NALF1: variants seen among roughly 807,000 people sequenced by gnomAD.
The protein encoded by NALF1 is family with sequence similarity 155 member A.
NALF1 carries 3 observed loss-of-function variants against 48.4 expected under a neutral mutation model. That is an observed-to-expected ratio of 0.06 (90% CI 0.03 to 0.16). NALF1 has a LOEUF of 0.16. Among genes scored for constraint, NALF1 ranks in the 10% least tolerant of loss-of-function variants. NALF1 has a pLI of 1.00. For missense variants in NALF1, 526 were observed against 571.5 expected, an observed-to-expected ratio of 0.92 and a Z score of 0.81; for synonymous variants, 262 against 245.7, an observed-to-expected ratio of 1.07 and a Z score of -0.62.
intron 1 of NALF1, among the ~76,000 whole-genome samples, chr13:107,443,379 T>C (rs1012473682): frequency 4.6e-5 from 7 of 151,964 alleles, no homozygotes; most frequent in African/African-American, 1.7e-4. Flanking sequence ...TCACACCCAG[T>C]TAATTTTTTG....
At chr13:107,839,544 TAA>T (rs988686687) in intron 1 of NALF1, among the ~76,000 whole-genome samples, 2 of 150,642 alleles carry the variant, frequency 1.3e-5, no homozygotes, top group Admixed American at 6.6e-5. Context: ...CTGTCTGATA[TAA>T]GTTCAATTAT....
At chr13:107,818,781 A>T (rs1000643473) in intron 1 of NALF1, among the ~76,000 whole-genome samples, 4 of 137,880 alleles carry the variant, frequency 2.9e-5, no homozygotes, top group Non-Finnish European at 6.0e-5. Flanking sequence ...CTGAGGCAGG[A>T]GAATGACGTG....
chr13:107,783,650 A>G (rs1322925517), intron 1 of NALF1, among the ~76,000 whole-genome samples: 31 of 151,996 alleles, frequency 2.0e-4, no homozygotes, highest in Non-Finnish European at 3.4e-4. Context: ...TTTGTTAAAC[A>G]GATGCTTGAA....
chr13:107,867,267 T>A lies in NALF1; in HGVS notation c.-671A>T, dbSNP rs1448896110. ...GCCTGGGCTGCCTCCGGCGGGGCGC[T>A]CCCTCCCCCCCACCCCCCACCCCGC... On this transcript the variant is annotated 5_prime_UTR_variant, in exon 1 of 3. Coordinates refer to ENST00000375915, the MANE Select transcript of NALF1 (RefSeq NM_001080396.3). The surrounding 1 kb of genome is among the most constrained non-coding windows in gnomAD (Gnocchi z 4.4). 1.3e-5 allele frequency among the ~76,000 whole-genome samples: 1 copy of A among 77,556 alleles called. No homozygotes were observed. The highest frequency in any genetic ancestry group is 5.0e-5 in the African/African-American group (1 of 20,186). The allele number at this position is 77,556 out of a possible 152,430, so 50.9% of individuals were successfully genotyped here. A position where few individuals can be genotyped will look rare whatever the true frequency, so the allele number is the denominator to read the frequency against.
intron 2 of NALF1, among the ~76,000 whole-genome samples, chr13:107,195,757 GAAGAA>G (rs1292319116): frequency 6.6e-6 from 1 of 152,168 alleles, no homozygotes; most frequent in Non-Finnish European, 1.5e-5. Context: ...AAAATTCTCA[GAAGAA>G]AAGAAGGCAG....
chr13:107,198,562 G>A (rs1879441943), intron 2 of NALF1, among the ~76,000 whole-genome samples: 1 of 152,176 alleles, frequency 6.6e-6, no homozygotes. Flanking sequence ...CTTCATACAA[G>A]AGTTGGAATT....
At chr13:107,659,497 G>A (rs939952639) in intron 1 of NALF1, among the ~76,000 whole-genome samples, 1 of 124,878 alleles carries the variant, frequency 8.0e-6, no homozygotes, top group African/African-American at 3.5e-5. Context: ...TTCCCCTATA[G>A]CATTTATTTG....
intron 2 of NALF1, among the ~76,000 whole-genome samples, chr13:107,194,586 A>G (rs981096531): frequency 1.3e-5 from 2 of 152,350 alleles, no homozygotes; most frequent in Admixed American, 6.5e-5. Context: ...GATGGATCAA[A>G]GACTTAAATC....
At chr13:107,792,283 A>G (rs10467234) in intron 1 of NALF1, among the ~76,000 whole-genome samples, 29,008 of 152,128 alleles carry the variant, frequency 0.19, 2,867 homozygotes, top group Middle Eastern at 0.23. Context: ...CCAGACATGG[A>G]TTATTTTAAT....
At chr13:107,327,114 T>C (rs1882379227) in intron 1 of NALF1, among the ~76,000 whole-genome samples, 1 of 152,206 alleles carries the variant, frequency 6.6e-6, no homozygotes, top group Admixed American at 6.5e-5. Flanking sequence ...ATGACTTTCT[T>C]TAGGTCTAGT....
In NALF1 at chr13:107,225,883, G is replaced by A. The variant is rs189249721; in HGVS notation, c.916-15128C>T. On this transcript the variant is annotated intron_variant, in intron 1 of 2. Coordinates refer to ENST00000375915, the MANE Select transcript of NALF1 (RefSeq NM_001080396.3). ...CTTTCCATACATTAGGTCAGATGTC[G>A]TTAGCTTATCAAGGAATGAAACACC... Among the ~76,000 whole-genome samples, 299 of 152,104 alleles carry A rather than the reference G, an allele frequency of 2.0e-3. 1 individual carries two copies. The highest frequency in any genetic ancestry group is 3.5e-3 in the Non-Finnish European group (240 of 68,000).
chr13:107,820,932 T>C (rs16971218), intron 1 of NALF1, among the ~76,000 whole-genome samples: 6,023 of 152,248 alleles, frequency 0.04, 412 homozygotes, highest in African/African-American at 0.14. Context: ...TGCATTCTCA[T>C]ATATGTGGAC....
At chr13:107,213,115 C>T (rs1879796247) in intron 1 of NALF1, among the ~76,000 whole-genome samples, 1 of 151,708 alleles carries the variant, frequency 6.6e-6, no homozygotes, top group Non-Finnish European at 1.5e-5. Context: ...TCAGATCTAG[C>T]CATCCTCTTT....
At chr13:107,396,133 C>T (rs546253161) in intron 1 of NALF1, among the ~76,000 whole-genome samples, 128 of 152,270 alleles carry the variant, frequency 8.4e-4, no homozygotes, top group Middle Eastern at 3.4e-3. Flanking sequence ...CACTTTCTCA[C>T]TGTGTCCTCC....
At position 107,164,344 on chromosome 13, in the gene NALF1, A is replaced by T. The variant is rs1878616526; in HGVS notation, c.*6153T>A. ...ACTGAACAGGTTTTCTAACTTTTTC[A>T]CTGTTATTTCATTCTATAATAATTA... On this transcript the variant is annotated 3_prime_UTR_variant, in exon 3 of 3. Coordinates refer to ENST00000375915, the MANE Select transcript of NALF1 (RefSeq NM_001080396.3). The T allele has an allele frequency of 6.6e-6, 1 of 152,042 alleles. No individual in the cohort carries two copies. The highest frequency in any genetic ancestry group is 2.1e-4 in the South Asian group (1 of 4,834). 9.4% of individuals were successfully genotyped at this position (152,042 alleles called of 1,614,324 possible).
intron 1 of NALF1, among the ~76,000 whole-genome samples, chr13:107,586,652 T>C (rs1878467895): frequency 6.7e-6 from 1 of 148,204 alleles, no homozygotes; most frequent in Non-Finnish European, 1.5e-5. Flanking sequence ...TTTTTTTTGC[T>C]AGGAATGAGT....
chr13:107,508,271 T>C (rs1051856230), intron 1 of NALF1, among the ~76,000 whole-genome samples: 4 of 151,950 alleles, frequency 2.6e-5, no homozygotes, highest in African/African-American at 4.8e-5. Flanking sequence ...TAGTCATAAA[T>C]GCTCTAAACT....
chr13:107,598,270 T>C (rs1277860271), intron 1 of NALF1, among the ~76,000 whole-genome samples: 3 of 152,206 alleles, frequency 2.0e-5, no homozygotes, highest in African/African-American at 7.2e-5. Flanking sequence ...TCCACCTTTA[T>C]CTTTGGTAAC....
chr13:107,813,884 T>C (rs1234611699), intron 1 of NALF1, among the ~76,000 whole-genome samples: 2 of 152,274 alleles, frequency 1.3e-5, no homozygotes, highest in East Asian at 3.9e-4. Context: ...AAATTGCTGT[T>C]GTTATTGTTG....
Sources: allele counts gnomAD v4.1 joint callset (sites outside exome capture counted in the v4.1 genomes callset), GRCh38; gene constraint gnomAD v4.1.1; non-coding constraint Gnocchi (gnomAD v3.1); transcripts MANE v1.5; gene names NCBI Gene and HGNC (gene_info 2026-07-23, HGNC 2026-07-21).